Variants in DMD observed in about 807,000 individuals in gnomAD.
The protein encoded by DMD is mutant dystrophin.
Under a neutral mutation model 330.1 loss-of-function variants are expected in DMD, and 63 were observed. The ratio of observed to expected loss-of-function variants is 0.19; its 90% CI spans 0.16 to 0.24. DMD has a LOEUF of 0.24. Ranked by LOEUF, DMD falls within the 10% of genes least tolerant of loss-of-function variation. The pLI is 1.00. For missense variants in DMD, 3,344 were observed against 2,684.1 expected, an observed-to-expected ratio of 1.25 and a Z score of -5.43; for synonymous variants, 1,223 against 959.8, an observed-to-expected ratio of 1.27 and a Z score of -5.07.
chrX:31,333,585 T>C (rs771444505), intron 61 of DMD, among the ~76,000 whole-genome samples: 1 of 110,165 alleles, frequency 9.1e-6, no homozygotes, highest in East Asian at 2.8e-4. Flanking sequence ...CCTTGATAGC[T>C]GGTCTAGGTC....
At chrX:32,566,879 C>T (rs968971148) in intron 15 of DMD, among the ~76,000 whole-genome samples, 13 of 112,237 alleles carry the variant, frequency 1.2e-4, no homozygotes, top group African/African-American at 4.2e-4. Flanking sequence ...AATTATCTTA[C>T]AGCCACTTAA....
chrX:32,540,712 G>GT (rs746431355), intron 17 of DMD, among the ~76,000 whole-genome samples: 1 of 111,816 alleles, frequency 8.9e-6, no homozygotes, highest in South Asian at 3.7e-4. Context: ...GGCTTCCTTT[G>GT]TTTTGACGGG....
chrX:31,518,358 C>T (rs943858342), intron 55 of DMD, among the ~76,000 whole-genome samples: 7 of 109,502 alleles, frequency 6.4e-5, no homozygotes, highest in African/African-American at 2.3e-4. Context: ...AATATTATTT[C>T]TGATATTGCT....
intron 44 of DMD, among the ~76,000 whole-genome samples, chrX:32,071,687 AAAG>A (rs1197193268): frequency 9.0e-6 from 1 of 111,541 alleles, no homozygotes; most frequent in Non-Finnish European, 1.9e-5. Context: ...ATATCAAAAA[AAAG>A]AACTTACTCA....
chrX:32,554,627 T>C (rs1371923802), intron 16 of DMD, among the ~76,000 whole-genome samples: 2 of 108,255 alleles, frequency 1.8e-5, no homozygotes, highest in African/African-American at 3.3e-5. Context: ...CAATAATAAA[T>C]ATCCCACCAA....
intron 9 of DMD, among the ~76,000 whole-genome samples, chrX:32,663,788 A>C (rs1305191399): frequency 8.9e-6 from 1 of 111,904 alleles, no homozygotes; most frequent in African/African-American, 3.3e-5. Flanking sequence ...AATTGAAAGT[A>C]CTAGGGAAAA....
intron 7 of DMD, among the ~76,000 whole-genome samples, chrX:32,717,016 A>G (rs1216291281): frequency 2.7e-5 from 3 of 111,151 alleles, no homozygotes; most frequent in African/African-American, 9.8e-5. Context: ...ACTGGAACTT[A>G]TATTTAAAAG....
chrX:31,906,280 C>G (rs1254973455), intron 47 of DMD, among the ~76,000 whole-genome samples: 1 of 112,277 alleles, frequency 8.9e-6, no homozygotes, highest in Non-Finnish European at 1.9e-5. Flanking sequence ...AATTAAATCA[C>G]TTTCCTTTAT....
intron 55 of DMD, among the ~76,000 whole-genome samples, chrX:31,603,412 T>C (rs2077466910): frequency 9.0e-6 from 1 of 111,610 alleles, no homozygotes; most frequent in Admixed American, 9.5e-5. Flanking sequence ...GATTAGAAAG[T>C]TGTCAAATTC....
At chrX:31,257,980 A>T (rs188485592) in intron 63 of DMD, among the ~76,000 whole-genome samples, 18 of 111,959 alleles carry the variant, frequency 1.6e-4, no homozygotes, top group East Asian at 2.8e-4. Flanking sequence ...ATGTAGCCAT[A>T]TAACAATCAT....
At chrX:32,874,290 A>G (rs1436877881) in intron 2 of DMD, among the ~76,000 whole-genome samples, 1 of 112,155 alleles carries the variant, frequency 8.9e-6, no homozygotes. Flanking sequence ...AGATTCCCCA[A>G]GGAAGTTTTC....
intron 7 of DMD, among the ~76,000 whole-genome samples, chrX:32,766,928 T>G (rs1370986631): frequency 2.7e-5 from 3 of 111,306 alleles, no homozygotes; most frequent in Non-Finnish European, 3.8e-5. Context: ...CATATAAAAT[T>G]TGCATTCTCT....
intron 67 of DMD, among the ~76,000 whole-genome samples, chrX:31,201,588 G>C (rs1264790736): frequency 8.9e-6 from 1 of 111,994 alleles, no homozygotes; most frequent in African/African-American, 3.2e-5. Context: ...AGGCAGAAAT[G>C]GAATAGGTTG....
At chrX:32,474,513 C>T (rs142062611) in intron 21 of DMD, among the ~76,000 whole-genome samples, 2,460 of 111,494 alleles carry the variant, frequency 0.022, 30 homozygotes, top group Non-Finnish European at 0.035. Context: ...ACCACATCCA[C>T]GCAAACATGT....
chrX:33,211,047 A>G (rs940853305), intron 1 of DMD, among the ~76,000 whole-genome samples: 11 of 111,921 alleles, frequency 9.8e-5, no homozygotes, highest in Non-Finnish European at 1.9e-4. Flanking sequence ...TCAAGAAATC[A>G]TGTGTTTAGT....
chrX:33,043,145 C>T (rs768864345), intron 1 of DMD, among the ~76,000 whole-genome samples: 1 of 111,925 alleles, frequency 8.9e-6, no homozygotes, highest in African/African-American at 3.2e-5. Context: ...CTATTAGAAT[C>T]ATTAAAGTAC....
intron 9 of DMD, among the ~76,000 whole-genome samples, chrX:32,654,295 C>G (rs778124427): frequency 2.4e-3 from 271 of 111,445 alleles, no homozygotes; most frequent in African/African-American, 8.4e-3. Flanking sequence ...GTTTGTCATA[C>G]ATAGCTCTTA....
intron 1 of DMD, among the ~76,000 whole-genome samples, chrX:33,308,357 T>G (rs2053795427): frequency 8.9e-6 from 1 of 112,461 alleles, no homozygotes; most frequent in Admixed American, 9.5e-5. Flanking sequence ...TGGAAATATT[T>G]TGAGATTTCG....
intron 62 of DMD, among the ~76,000 whole-genome samples, chrX:31,293,229 G>GTAGTCTGGTTT (rs2053903661): frequency 9.8e-6 from 1 of 102,476 alleles, no homozygotes; most frequent in African/African-American, 3.7e-5. Context: ...GTGTGTGTGT[G>GTAGTCTGGTTT]TGTGTGTGTG....
Sources: allele counts gnomAD v4.1 joint callset (sites outside exome capture counted in the v4.1 genomes callset), GRCh38; gene constraint gnomAD v4.1.1; transcripts MANE v1.5; gene names NCBI Gene and HGNC (gene_info 2026-07-23, HGNC 2026-07-21).